Variants in GNAO1 observed in about 807,000 individuals in gnomAD.
The protein encoded by GNAO1 is guanine nucleotide-binding protein G(o) subunit alpha.
For missense variants in GNAO1, 166 were observed against 478.7 expected, an observed-to-expected ratio of 0.35 and a Z score of 6.10; for synonymous variants, 164 against 180.7, an observed-to-expected ratio of 0.91 and a Z score of 0.74.
intron 3 of GNAO1, among the ~76,000 whole-genome samples, chr16:56,297,642 A>G (rs2037301429): frequency 6.6e-6 from 1 of 151,468 alleles, no homozygotes; most frequent in Non-Finnish European, 1.5e-5. Flanking sequence ...TCTTTTTTAA[A>G]TGAAAGTGTT....
chr16:56,229,198 G>C (rs1567446612), intron 2 of GNAO1, among the ~76,000 whole-genome samples: 1 of 151,758 alleles, frequency 6.6e-6, no homozygotes, highest in South Asian at 2.1e-4. Context: ...TGCTGTTTTT[G>C]TTTTTTTGTT....
chr16:56,355,691 A>G (rs2037961518), intron 8 of GNAO1: 1 of 151,864 alleles, frequency 6.6e-6, no homozygotes, highest in Non-Finnish European at 1.5e-5. Context: ...GCTCCGACCA[A>G]TCCACTGTCT....
At chr16:56,239,357 G>A (rs1437399225) in intron 2 of GNAO1, among the ~76,000 whole-genome samples, 1 of 152,198 alleles carries the variant, frequency 6.6e-6, no homozygotes, top group African/African-American at 2.4e-5. Context: ...AAAGACTTAT[G>A]TTTTAATAAA....
At chr16:56,257,248 TGTTGAGTCGGCAATC>T (rs1341380150) in intron 2 of GNAO1, among the ~76,000 whole-genome samples, 1 of 152,142 alleles carries the variant, frequency 6.6e-6, no homozygotes. Context: ...TAAGTGGAGA[TGTTGAGTCGGCAATC>T]CATGGTCTTA....
At position 56,311,603 on chromosome 16, in the gene GNAO1, C is replaced by T. The variant is rs373635220; in HGVS notation, c.304-17028C>T. Among the ~76,000 whole-genome samples, 4 of 152,256 alleles carry T rather than the reference C, an allele frequency of 2.6e-5. No homozygotes were observed. In the East Asian group the frequency reaches 5.8e-4, roughly 22 times the overall value. ...ACCTGGCCCTGCGCTGAACTGAGAA[C>T]CCGAGGAGCGCGTCCCCTCCCTCCT... On this transcript the variant is annotated intron_variant, in intron 3 of 8. Coordinates refer to ENST00000262493, the MANE Select transcript of GNAO1 (RefSeq NM_020988.3). The surrounding 1 kb of genome is among the most constrained non-coding windows in gnomAD (Gnocchi z 5.2).
rs749909537 is a variant in GNAO1, at chr16:56,276,048, C to T, written c.279C>T (p.Ile93=). 11 of 1,613,746 alleles carry T rather than the reference C, an allele frequency of 6.8e-6. No homozygotes were observed. Among genetic ancestry groups the T allele is most frequent in the African/African-American group, 2.7e-5 (2 of 74,886 alleles). Residue 93 remains isoleucine (I), a synonymous_variant, in exon 3 of 9, where the codon ATC becomes ATT. Coordinates refer to ENST00000262493, the MANE Select transcript of GNAO1 (RefSeq NM_020988.3). The part of the protein sequence containing the change: ...AIVRAMDTLG[I]EYGDKERKAD... ...TCCGGGCCATGGACACTTTGGGCAT[C>T]GAATATGGTGATAAGGAGAGAAAGG...
intron 3 of GNAO1, among the ~76,000 whole-genome samples, chr16:56,323,208 CAG>C (rs1397596250): frequency 6.6e-6 from 1 of 152,192 alleles, no homozygotes; most frequent in African/African-American, 2.4e-5. Flanking sequence ...GAGAGGCAGT[CAG>C]GGGCTTTGTA....
At chr16:56,207,533 A>G (rs1292366640) in intron 2 of GNAO1, among the ~76,000 whole-genome samples, 2 of 152,244 alleles carry the variant, frequency 1.3e-5, no homozygotes, top group Non-Finnish European at 1.5e-5. Flanking sequence ...CACTCAGAAC[A>G]TTCTTAATTG....
intron 2 of GNAO1, among the ~76,000 whole-genome samples, chr16:56,258,779 T>G (rs934577423): frequency 3.3e-5 from 5 of 152,200 alleles, no homozygotes; most frequent in African/African-American, 1.2e-4. Flanking sequence ...GGGGAGAGTT[T>G]CCTGCAGCTC....
At chr16:56,195,011 G>A (rs1324748207) in intron 2 of GNAO1, among the ~76,000 whole-genome samples, 1 of 151,090 alleles carries the variant, frequency 6.6e-6, no homozygotes, top group East Asian at 2.0e-4. Flanking sequence ...AAAATGAAGT[G>A]AGTGATGTTT....
At chr16:56,230,666 T>C (rs945968176) in intron 2 of GNAO1, among the ~76,000 whole-genome samples, 1 of 152,072 alleles carries the variant, frequency 6.6e-6, no homozygotes, top group Non-Finnish European at 1.5e-5. Flanking sequence ...TTCTGGTTCA[T>C]GTTTCAGTGA....
intron 6 of GNAO1, among the ~76,000 whole-genome samples, chr16:56,342,591 C>T (rs538292291): frequency 2.6e-5 from 4 of 152,360 alleles, no homozygotes; most frequent in African/African-American, 7.2e-5. Context: ...GTGAGCCAGG[C>T]GGTTGTTAAT....
intron 2 of GNAO1, among the ~76,000 whole-genome samples, chr16:56,253,668 C>G (rs1364431291): frequency 6.6e-6 from 1 of 152,182 alleles, no homozygotes; most frequent in Non-Finnish European, 1.5e-5. Context: ...CCTACTGGGT[C>G]CCTCTCAAGT....
intron 2 of GNAO1, among the ~76,000 whole-genome samples, chr16:56,202,058 A>G (rs2036286257): frequency 6.6e-6 from 1 of 152,228 alleles, no homozygotes; most frequent in East Asian, 1.9e-4. Flanking sequence ...TTCCAGCTCC[A>G]GGAAATGAGA....
At chr16:56,203,118 A>C (rs2036295200) in intron 2 of GNAO1, among the ~76,000 whole-genome samples, 1 of 152,188 alleles carries the variant, frequency 6.6e-6, no homozygotes, top group Admixed American at 6.5e-5. Context: ...ATTTGGACAC[A>C]GGCTCAGGAT....
intron 3 of GNAO1, among the ~76,000 whole-genome samples, chr16:56,314,694 A>T (rs1233990052): frequency 6.6e-6 from 1 of 152,198 alleles, no homozygotes; most frequent in Non-Finnish European, 1.5e-5. Flanking sequence ...CCACGATTGT[A>T]TCTGCTGCTG....
At chr16:56,203,823 C>T (rs1450116659) in intron 2 of GNAO1, among the ~76,000 whole-genome samples, 14 of 152,120 alleles carry the variant, frequency 9.2e-5, no homozygotes, top group African/African-American at 3.4e-4. Context: ...AGGACACCAC[C>T]AGGGAGTAGT....
intron 2 of GNAO1, among the ~76,000 whole-genome samples, chr16:56,255,978 C>T (rs1205497146): frequency 1.3e-5 from 2 of 152,186 alleles, no homozygotes; most frequent in Non-Finnish European, 2.9e-5. Flanking sequence ...TGCTGTAGGG[C>T]TCATGTGATG....
At chr16:56,318,964 T>C (rs1179826000) in intron 3 of GNAO1, among the ~76,000 whole-genome samples, 1 of 152,168 alleles carries the variant, frequency 6.6e-6, no homozygotes, top group Non-Finnish European at 1.5e-5. Context: ...CAAGGTCACA[T>C]GGCTAAAAAG....
Sources: allele counts gnomAD v4.1 joint callset (sites outside exome capture counted in the v4.1 genomes callset), GRCh38; gene constraint gnomAD v4.1.1; non-coding constraint Gnocchi (gnomAD v3.1); transcripts MANE v1.5; gene names NCBI Gene and HGNC (gene_info 2026-07-23, HGNC 2026-07-21).